Variants in CCL5 observed in about 807,000 individuals in gnomAD.
CCL5 encodes the protein C-C motif chemokine 5.
In CCL5, 5 loss-of-function variants were observed where a neutral mutation model predicts 9.0. The observed-to-expected ratio is 0.55, with a 90% CI of 0.29 to 1.16. CCL5 has a LOEUF of 1.16. Ranked by LOEUF, CCL5 falls within the 50% of genes most tolerant of loss-of-function variation. CCL5 has a pLI of 0.08. For synonymous variants in CCL5, 66 were observed against 72.0 expected, an observed-to-expected ratio of 0.92 and a Z score of 0.42; for missense variants, 183 against 183.2, an observed-to-expected ratio of 1.00 and a Z score of 0.01.
chr17:35,879,433 G>C (rs1289653617), intron 1 of CCL5, among the ~76,000 whole-genome samples: 3 of 152,098 alleles, frequency 2.0e-5, no homozygotes, highest in African/African-American at 7.2e-5. Flanking sequence ...AAGAGATCGA[G>C]ACCATCCTGG....
intron 3 of CCL5, 46 bp from the exon 3 acceptor site, chr17:35,872,510 C>A: frequency 6.5e-7 from 1 of 1,537,490 alleles, no homozygotes; most frequent in Non-Finnish European, 9.0e-7. Context: ...TTGTCAGTAC[C>A]GGGACAGCCA....
chr17:35,872,723 T>TA (rs1157251561), intron 3 of CCL5, among the ~76,000 whole-genome samples: 1 of 152,138 alleles, frequency 6.6e-6, no homozygotes, highest in East Asian at 1.9e-4. Flanking sequence ...CCTGAAAAGC[T>TA]AAGAGGATAC....
At chr17:35,876,809 T>G (rs561956803) in intron 2 of CCL5, among the ~76,000 whole-genome samples, 8 of 152,328 alleles carry the variant, frequency 5.3e-5, no homozygotes, top group Non-Finnish European at 7.3e-5. Context: ...ACAGTCCCTT[T>G]TCCTGATATA....
At chr17:35,880,053 T>G (rs1490551583) in intron 1 of CCL5, among the ~76,000 whole-genome samples, 177 bp downstream of exon 1, 1 of 152,208 alleles carries the variant, frequency 6.6e-6, no homozygotes, top group East Asian at 1.9e-4. Flanking sequence ...TAGAGATCTC[T>G]CAAGGACAAC....
intron 2 of CCL5, 151 bp downstream of exon 2, chr17:35,878,377 C>G (rs2088470561): frequency 4.4e-6 from 2 of 449,572 alleles, no homozygotes; most frequent in Non-Finnish European, 8.5e-6. Context: ...CTTGTCTAGT[C>G]TTTTTACATG....
intron 2 of CCL5, among the ~76,000 whole-genome samples, chr17:35,876,801 A>C (rs1006906234): frequency 3.3e-5 from 5 of 152,240 alleles, no homozygotes; most frequent in Non-Finnish European, 7.3e-5. Context: ...CCTGGGGGAC[A>C]GTCCCTTTTC....
chr17:35,879,094 G>A (rs2088480116), intron 1 of CCL5, among the ~76,000 whole-genome samples: 1 of 152,206 alleles, frequency 6.6e-6, no homozygotes, highest in Non-Finnish European at 1.5e-5. Flanking sequence ...GAGCTTCAGT[G>A]AGAAGGGCTC....
intron 2 of CCL5, among the ~76,000 whole-genome samples, chr17:35,876,209 C>A (rs2088439411): frequency 6.6e-6 from 1 of 152,144 alleles, no homozygotes; most frequent in Non-Finnish European, 1.5e-5. Context: ...GGAGTCCTAA[C>A]AAAGCAAACT....
intron 2 of CCL5, among the ~76,000 whole-genome samples, chr17:35,875,793 C>T (rs2088435070): frequency 6.6e-6 from 1 of 152,160 alleles, no homozygotes; most frequent in Admixed American, 6.5e-5. Context: ...TTGGCACCCT[C>T]TGCTTGCCTG....
At position 35,871,512 on chromosome 17, in the gene CCL5, T is replaced by C. The variant is rs972268950; in HGVS notation, c.*758A>G. Reference sequence around the variant, plus strand: ...CAGCTTTATGGTTGCATTGAGAACTTTAATGGTAAGCCGATTTTTCATGTT... The same window carrying C: ...CAGCTTTATGGTTGCATTGAGAACTCTAATGGTAAGCCGATTTTTCATGTT... On this transcript the variant is annotated 3_prime_UTR_variant, in exon 4 of 4. Transcript: ENST00000651122. 6.6e-6 allele frequency: 1 copy of C among 152,260 alleles called. No individual in the cohort carries two copies. The highest frequency in any genetic ancestry group is 2.4e-5 in the African/African-American group (1 of 41,432). The allele number at this position is 152,260 out of a possible 1,614,324, so 9.4% of individuals were successfully genotyped here.
chr17:35,878,282 CAAAAAAAAAAAA>C lies in CCL5; in HGVS notation c.188+234_188+245del, dbSNP rs4013866. ...TGGGCGACAGAGTGAGACTCTGTCT[CAAAAAAAAAAAA>C]AAAAAAAAAAAAAAAAAGATTGGAG... is the stretch of plus-strand genomic sequence containing the variant. On this transcript the variant is annotated intron_variant, in intron 2 of 3. Coordinates refer to ENST00000651122, the MANE Select transcript of CCL5 (RefSeq NM_001278736.2). 2.2e-4 allele frequency among the ~76,000 whole-genome samples: 7 copies of C among 31,974 alleles called. 1 individual carries two copies. The highest frequency in any genetic ancestry group is 3.0e-3 in the South Asian group (2 of 666). 21.0% of individuals were successfully genotyped at this position (31,974 alleles called of 152,430 possible). A position where few individuals can be genotyped will look rare whatever the true frequency, so the allele number is the denominator to read the frequency against.
At chr17:35,879,791 T>A (rs2088492392) in intron 1 of CCL5, among the ~76,000 whole-genome samples, 1 of 151,900 alleles carries the variant, frequency 6.6e-6, no homozygotes, top group Admixed American at 6.6e-5. Context: ...CATAAGCCAA[T>A]TTTTTTTACA....
chr17:35,874,195 T>C (rs1166475730), intron 3 of CCL5, among the ~76,000 whole-genome samples: 1 of 152,228 alleles, frequency 6.6e-6, no homozygotes, highest in Non-Finnish European at 1.5e-5. Context: ...TATTTGAAAT[T>C]TGAACACTGA....
chr17:35,878,734 A>G lies in CCL5; in HGVS notation c.77-95T>C, dbSNP rs371750389. 4.1e-6 allele frequency: 3 copies of G among 735,010 alleles called. No individual in the cohort carries two copies. The African/African-American group carries it at 5.3e-5, about 13-fold the overall frequency. The allele number at this position is 735,010 out of a possible 1,614,324, so 45.5% of individuals were successfully genotyped here. A position where few individuals can be genotyped will look rare whatever the true frequency, so the allele number is the denominator to read the frequency against. On this transcript the variant is annotated intron_variant, in intron 1 of 3. Coordinates refer to ENST00000651122, the MANE Select transcript of CCL5 (RefSeq NM_001278736.2). Reference sequence around the variant, plus strand: ...ACTTTATATGATTTATTTAGAAAGAACTGTTATCTTCCTTGACAGAAACTG... The same window carrying G: ...ACTTTATATGATTTATTTAGAAAGAGCTGTTATCTTCCTTGACAGAAACTG...
intron 1 of CCL5, among the ~76,000 whole-genome samples, chr17:35,879,635 CAAAAAAAAAAAAA>C (rs35764706): frequency 2.9e-4 from 14 of 48,670 alleles, no homozygotes; most frequent in African/African-American, 8.6e-4. Context: ...GACTCCATCT[CAAAAAAAAAAAAA>C]AAAAAAAAAA....
At chr17:35,877,177 A>G (rs2088450909) in intron 2 of CCL5, among the ~76,000 whole-genome samples, 1 of 152,214 alleles carries the variant, frequency 6.6e-6, no homozygotes, top group African/African-American at 2.4e-5. Context: ...GTCTTTGAGT[A>G]CCTCTAACTT....
intron 3 of CCL5, among the ~76,000 whole-genome samples, chr17:35,874,888 A>G (rs2088422069): frequency 6.6e-6 from 1 of 152,178 alleles, no homozygotes; most frequent in Non-Finnish European, 1.5e-5. Context: ...CAGGGATCAC[A>G]GACGTGAGCC....
At chr17:35,872,802 C>A (rs371169934) in intron 3 of CCL5, among the ~76,000 whole-genome samples, 14 of 152,318 alleles carry the variant, frequency 9.2e-5, no homozygotes, top group African/African-American at 3.4e-4. Context: ...CTGCTCCAGG[C>A]CTTGTGCTGG....
At chr17:35,880,101 A>G in intron 1 of CCL5, 129 bp downstream of exon 1, 1 of 729,646 alleles carries the variant, frequency 1.4e-6, no homozygotes, top group Non-Finnish European at 2.5e-6. Flanking sequence ...GAATGTAAAT[A>G]ATGGGGTTCA....
Sources: allele counts gnomAD v4.1 joint callset (sites outside exome capture counted in the v4.1 genomes callset), GRCh38; gene constraint gnomAD v4.1.1; transcripts MANE v1.5; gene names NCBI Gene and HGNC (gene_info 2026-07-23, HGNC 2026-07-21).